Variants in CELF4 observed in about 807,000 individuals in gnomAD.
CELF4 encodes the protein CUGBP Elav-like family member 4, also known as CUG-BP- and ETR-3-like factor 4.
Under a neutral mutation model 59.9 loss-of-function variants are expected in CELF4, and 18 were observed. That is an observed-to-expected ratio of 0.30 (90% CI 0.21 to 0.45). CELF4 has a LOEUF of 0.45. Among genes scored for constraint, CELF4 ranks in the 20% least tolerant of loss-of-function variants. CELF4 has a pLI of 1.00. For synonymous variants in CELF4, 261 were observed against 267.1 expected (o/e 0.98, Z 0.22); for missense variants, 456 against 689.0 (o/e 0.66, Z 3.79).
intron 2 of CELF4, among the ~76,000 whole-genome samples, chr18:37,409,942 C>T (rs930525297): frequency 6.6e-6 from 1 of 152,168 alleles, no homozygotes; most frequent in South Asian, 2.1e-4. Context: ...CCAGGCACAC[C>T]CACTGGGCCC....
intron 7 of CELF4, among the ~76,000 whole-genome samples, chr18:37,271,725 C>T (rs948896366): frequency 1.3e-5 from 2 of 152,212 alleles, no homozygotes; most frequent in African/African-American, 4.8e-5. Flanking sequence ...GAGGTTATTA[C>T]AGAGCCCAGA....
In CELF4 at chr18:37,468,686, T is replaced by C. The variant is rs551164305; in HGVS notation, c.369+16839A>G. 9.2e-5 allele frequency among the ~76,000 whole-genome samples: 14 copies of C among 152,268 alleles called. 1 individual carries two copies. The highest frequency in any genetic ancestry group is 3.4e-4 in the African/African-American group (14 of 41,544). On this transcript the variant is annotated intron_variant, in intron 2 of 12. Transcript: ENST00000420428. ...AAGAGGTTTAATTGACTTACAGTTCTGCATGGCTGGGGAGGCCTCAGGAAA... is the reference window on the plus strand; with the variant it reads ...AAGAGGTTTAATTGACTTACAGTTCCGCATGGCTGGGGAGGCCTCAGGAAA...
chr18:37,489,969 G>GCTTTTTTTGTTTTGTTTGACACATTTA, intron 1 of CELF4, among the ~76,000 whole-genome samples: 1 of 152,136 alleles, frequency 6.6e-6, no homozygotes, highest in Non-Finnish European at 1.5e-5. Context: ...GAGTCGGCAA[G>GCTTTTTTTGTTTTGTTTGACACATTTA]GATCCAGTGT....
chr18:37,496,945 C>T (rs2099925865), intron 1 of CELF4, among the ~76,000 whole-genome samples: 1 of 152,134 alleles, frequency 6.6e-6, no homozygotes, highest in Admixed American at 6.6e-5. Flanking sequence ...TCTCATTTTT[C>T]AGAGGGGTAG....
intron 9 of CELF4, among the ~76,000 whole-genome samples, chr18:37,265,112 G>GGT (rs879630089): frequency 1.3e-5 from 2 of 149,596 alleles, no homozygotes; most frequent in South Asian, 4.3e-4. Flanking sequence ...CAAGTGTGTG[G>GGT]GTGTGTGTGT....
intron 2 of CELF4, among the ~76,000 whole-genome samples, chr18:37,410,263 TTCC>T (rs2099429587): frequency 6.6e-6 from 1 of 152,248 alleles, no homozygotes; most frequent in South Asian, 2.1e-4. Flanking sequence ...CCCTGTCTCC[TTCC>T]TTCTCTGCTC....
chr18:37,343,495 T>G (rs747174382), intron 2 of CELF4, among the ~76,000 whole-genome samples: 5 of 151,858 alleles, frequency 3.3e-5, no homozygotes, highest in Non-Finnish European at 7.4e-5. Flanking sequence ...CCGGGTGCAG[T>G]CTAAGGGTTG....
At chr18:37,248,209 T>A (rs899298544) in intron 12 of CELF4, among the ~76,000 whole-genome samples, 4 of 152,298 alleles carry the variant, frequency 2.6e-5, no homozygotes, top group Non-Finnish European at 4.4e-5. Flanking sequence ...CTGAGCAGGG[T>A]TCATTTTGAG....
chr18:37,369,021 C>G (rs2098824761), intron 2 of CELF4, among the ~76,000 whole-genome samples: 1 of 152,196 alleles, frequency 6.6e-6, no homozygotes, highest in African/African-American at 2.4e-5. Flanking sequence ...TTGGGCAGCT[C>G]TAAGGTGGAT....
At chr18:37,275,344 G>T in intron 3 of CELF4, 101 bp from the exon 4 acceptor site, 1 of 1,437,828 alleles carries the variant, frequency 7.0e-7, no homozygotes, top group Non-Finnish European at 9.3e-7. Context: ...GGAGGAGCCG[G>T]GGAGGCGGGG....
intron 1 of CELF4, among the ~76,000 whole-genome samples, chr18:37,564,967 T>C (rs1392529444): frequency 6.6e-6 from 1 of 152,110 alleles, no homozygotes; most frequent in African/African-American, 2.4e-5. Context: ...GCACCCTCGG[T>C]CCTCGGCCGG....
At position 37,503,333 on chromosome 18, in the gene CELF4, C is replaced by T. The variant is rs929314168; in HGVS notation, c.287-17726G>A. On this transcript the variant is annotated intron_variant, in intron 1 of 12. Coordinates refer to ENST00000420428, the MANE Select transcript of CELF4 (RefSeq NM_020180.4). Reference sequence around the variant, plus strand: ...GAATATATTTTCCCATGAGGTTTACCAAGGTTGAGGGCAGGCTCGGCGAGC... The same window carrying T: ...GAATATATTTTCCCATGAGGTTTACTAAGGTTGAGGGCAGGCTCGGCGAGC... Among the ~76,000 whole-genome samples, 5 of 152,284 alleles carry T rather than the reference C, an allele frequency of 3.3e-5. No individual in the cohort carries two copies. In the East Asian group the frequency reaches 7.7e-4, roughly 24 times the overall value.
At chr18:37,323,868 CAT>C (rs1289326013) in intron 2 of CELF4, among the ~76,000 whole-genome samples, 2 of 152,208 alleles carry the variant, frequency 1.3e-5, no homozygotes, top group Non-Finnish European at 2.9e-5. Context: ...TGAGTAGGCA[CAT>C]GAGTGCTACC....
At position 37,485,624 on chromosome 18, in the gene CELF4, G is replaced by A; in HGVS notation, c.287-17C>T. The A allele has an allele frequency of 7.1e-7, 1 of 1,417,546 alleles. No individual in the cohort carries two copies. Among genetic ancestry groups the A allele is most frequent in the South Asian group, 1.6e-5 (1 of 63,152 alleles). 87.8% of individuals were successfully genotyped at this position (1,417,546 alleles called of 1,614,324 possible). A position where few individuals can be genotyped will look rare whatever the true frequency, so the allele number is the denominator to read the frequency against. On this transcript the variant is annotated splice_polypyrimidine_tract_variant and intron_variant, in intron 1 of 12. Transcript: ENST00000420428. ...AGGCGCAGCCTGGGGAGGAAAGCAA[G>A]CGCCAAGAAGGGTCAGTGGGGCGCC...
chr18:37,343,962 A>C (rs1020829173), intron 2 of CELF4, among the ~76,000 whole-genome samples: 1 of 152,132 alleles, frequency 6.6e-6, no homozygotes, highest in Non-Finnish European at 1.5e-5. Flanking sequence ...GTCTCTCTGC[A>C]ACCAAACTCC....
intron 3 of CELF4, among the ~76,000 whole-genome samples, chr18:37,315,181 A>G (rs1476276554): frequency 2.0e-5 from 3 of 152,002 alleles, no homozygotes; most frequent in Admixed American, 1.3e-4. Context: ...TTGGGAGACA[A>G]GAGTTGGGCC....
At chr18:37,300,115 C>A (rs974132092) in intron 3 of CELF4, among the ~76,000 whole-genome samples, 1 of 152,212 alleles carries the variant, frequency 6.6e-6, no homozygotes, top group Non-Finnish European at 1.5e-5. Flanking sequence ...TGACCCTGGA[C>A]ACCTGGCCTG....
chr18:37,462,603 T>C (rs750027571), intron 2 of CELF4, among the ~76,000 whole-genome samples: 7 of 152,134 alleles, frequency 4.6e-5, no homozygotes, highest in Non-Finnish European at 8.8e-5. Flanking sequence ...TACTCTTCTA[T>C]GTTGAAGTGA....
intron 1 of CELF4, among the ~76,000 whole-genome samples, chr18:37,510,682 G>T (rs1169297200): frequency 6.6e-6 from 1 of 152,196 alleles, no homozygotes; most frequent in Non-Finnish European, 1.5e-5. Flanking sequence ...TCTCCCTGTA[G>T]GATGGTCCAG....
Sources: gnomAD v4.1 joint callset for allele counts (sites outside exome capture counted in the v4.1 genomes callset) on GRCh38, gnomAD v4.1.1 for gene constraint, MANE v1.5 for transcripts, NCBI Gene and HGNC (gene_info 2026-07-23, HGNC 2026-07-21) for gene names.